The following PRR27 variants were observed in gnomAD, a reference collection of about 807,000 sequenced individuals.
The protein encoded by PRR27 is proline rich 27, also known as proline-rich protein 27.
In PRR27, 12 loss-of-function variants were observed where a neutral mutation model predicts 16.8. The observed-to-expected ratio is 0.71, with a 90% confidence interval of 0.46 to 1.16. The LOEUF (loss-of-function observed/expected upper bound fraction) is 1.16. Among genes scored for constraint, PRR27 ranks in the 50% most tolerant of loss-of-function variants. PRR27 has a pLI of 0.00. For synonymous variants in PRR27, 100 were observed against 98.4 expected, an observed-to-expected ratio of 1.02 and a Z score of -0.10; for missense variants, 277 against 273.3, an observed-to-expected ratio of 1.01 and a Z score of -0.10.
chr4:70,158,912 A>C lies in PRR27; in HGVS notation c.648+12A>C. On this transcript the variant is annotated intron_variant, in intron 3 of 4. Transcript: ENST00000344526. The stretch of plus-strand genomic sequence containing the variant: ...CCTCTCTTGAACAGGTAGGTTGTTT[A>C]TATCTTACCACTATAATGTATGAGA... 3 of 1,592,678 alleles carry C rather than the reference A, an allele frequency of 1.9e-6. No homozygotes were observed. Among genetic ancestry groups the C allele is most frequent in the Non-Finnish European group, 2.6e-6 (3 of 1,166,542 alleles).
At chr4:70,160,437 C>CTGTGTGTGTGTGTGTGTG (rs1413873981) in intron 3 of PRR27, among the ~76,000 whole-genome samples, 5 of 77,978 alleles carry the variant, frequency 6.4e-5, no homozygotes, top group Non-Finnish European at 1.0e-4. Context: ...CTCTCTCTCT[C>CTGTGTGTGTGTGTGTGTG]TCTCTCTGTG....
At chr4:70,160,170 T>A (rs1234728922) in intron 3 of PRR27, among the ~76,000 whole-genome samples, 1 of 152,030 alleles carries the variant, frequency 6.6e-6, no homozygotes, top group Non-Finnish European at 1.5e-5. Flanking sequence ...ACCCAAGAGG[T>A]AGTTTTATAA....
intron 1 of PRR27, chr4:70,154,719 A>T: frequency 7.3e-7 from 1 of 1,368,784 alleles, no homozygotes; most frequent in Non-Finnish European, 9.6e-7. Context: ...AGATTATCTT[A>T]ACAGAGTTTA....
At chr4:70,161,922 T>A (rs987231910) in intron 4 of PRR27, among the ~76,000 whole-genome samples, 3 of 152,204 alleles carry the variant, frequency 2.0e-5, no homozygotes, top group African/African-American at 7.2e-5. Flanking sequence ...TAAAAACCTT[T>A]AACGTGGGAA....
intron 3 of PRR27, among the ~76,000 whole-genome samples, chr4:70,159,534 G>C (rs1728588401): frequency 1.3e-5 from 2 of 152,118 alleles, no homozygotes; most frequent in South Asian, 4.1e-4. Flanking sequence ...AAAGCATTAA[G>C]TTTTTTAACA....
chr4:70,159,617 G>C (rs188247489), intron 3 of PRR27, among the ~76,000 whole-genome samples: 1 of 152,174 alleles, frequency 6.6e-6, no homozygotes, highest in Admixed American at 6.5e-5. Flanking sequence ...TGTATACATT[G>C]TACCCACATA....
chr4:70,154,488 C>G (rs1709273), intron 1 of PRR27, 62 bp downstream of exon 1: 1,246,013 of 1,279,078 alleles, frequency 0.97, 607,933 homozygotes, highest in East Asian at 1. Flanking sequence ...TGTTTATAGG[C>G]ATTTGTGCTT....
chr4:70,158,472 T>C lies in PRR27; in HGVS notation c.220T>C (p.Ser74Pro). 6.2e-7 allele frequency: 1 copy of C among 1,614,064 alleles called. No homozygotes were observed. ...GNTYTDTGLP[S>P]YPWILTSPGF... ...TACTTACACTGACACAGGGTTACCT[T>C]CGTATCCCTGGATTCTAACTTCTCC... Residue 74 changes from serine to proline, a missense_variant, in exon 3 of 5, where the codon TCG becomes CCG. Ser to Pro is a moderately conservative substitution (Grantham distance 74). Coordinates refer to ENST00000344526, the MANE Select transcript of PRR27 (RefSeq NM_214711.4).
chr4:70,161,615 C>T lies in PRR27; in HGVS notation c.*18C>T, dbSNP rs778726435. ...ATCAGTGAAATTCTCTAGAAGAGTA[C>T]CATGGGTTCATTTCTGTAAGTCATA... On this transcript the variant is annotated 3_prime_UTR_variant, in exon 4 of 5. Transcript: ENST00000344526. 5.4e-6 allele frequency: 8 copies of T among 1,484,988 alleles called. No homozygotes were observed. Among genetic ancestry groups the T allele is most frequent in the African/African-American group, 2.8e-5 (2 of 71,098 alleles). 92.0% of individuals were successfully genotyped at this position (1,484,988 alleles called of 1,614,324 possible).
At chr4:70,160,878 A>G (rs1728629689) in intron 3 of PRR27, among the ~76,000 whole-genome samples, 1 of 152,040 alleles carries the variant, frequency 6.6e-6, no homozygotes, top group Non-Finnish European at 1.5e-5. Flanking sequence ...GCAAGAGGCT[A>G]AAAACAAATG....
intron 3 of PRR27, among the ~76,000 whole-genome samples, chr4:70,160,451 G>C (rs1437954953): frequency 4.9e-5 from 6 of 121,238 alleles, no homozygotes; most frequent in Admixed American, 1.6e-4. Context: ...CTCTGTGTGT[G>C]TGTGTGTGTG....
At chr4:70,160,180 A>T (rs151256129) in intron 3 of PRR27, among the ~76,000 whole-genome samples, 113 of 152,084 alleles carry the variant, frequency 7.4e-4, no homozygotes, top group African/African-American at 2.6e-3. Context: ...TAGTTTTATA[A>T]CCCAGCCCTA....
Position 70,158,798 on chromosome 4 carries a change from A to C in PRR27, c.546A>C (p.Ala182=). ...APVAAEPAAE[A]PVGVEPAAEE... ...TTGCAGCTGAGCCTGCTGCAGAGGC[A>C]CCTGTTGGAGTGGAGCCAGCTGCAG... is the stretch of plus-strand genomic sequence containing the variant. The change falls in exon 3 of 5, where the codon GCA becomes GCC. Residue 182 remains alanine, a synonymous_variant. Transcript: ENST00000344526. The C allele has an allele frequency of 1.9e-6, 3 of 1,613,158 alleles. No individual in the cohort carries two copies. The highest frequency in any genetic ancestry group is 2.5e-6 in the Non-Finnish European group (3 of 1,179,444).
At position 70,165,384 on chromosome 4, in the gene PRR27, T is replaced by C. The variant is rs1202220128; in HGVS notation, c.*2723T>C. The C allele has an allele frequency of 6.6e-6, 1 of 152,130 alleles. No individual in the cohort carries two copies. Among genetic ancestry groups the C allele is most frequent in the Non-Finnish European group, 1.5e-5 (1 of 67,974 alleles). The allele number at this position is 152,130 out of a possible 1,614,324, so 9.4% of individuals were successfully genotyped here. On this transcript the variant is annotated 3_prime_UTR_variant, in exon 5 of 5. Transcript: ENST00000344526. ...GAAAACATACATGTAACCACCACCA[T>C]CTGGAAATTTCACACTAAATTATAA...
chr4:70,158,061 G>A (rs1214873541), intron 2 of PRR27, among the ~76,000 whole-genome samples: 3 of 152,032 alleles, frequency 2.0e-5, no homozygotes, highest in South Asian at 2.1e-4. Flanking sequence ...TCTTTGTCCT[G>A]GCCTAGGTTA....
Position 70,158,792 on chromosome 4 carries a change from A to G in PRR27, c.540A>G (p.Ala180=), listed in dbSNP as rs773656894. 69 of 1,613,074 alleles carry G rather than the reference A, an allele frequency of 4.3e-5. No individual in the cohort carries two copies. Among genetic ancestry groups the G allele is most frequent in the Non-Finnish European group, 5.7e-5 (67 of 1,179,336 alleles). Residue 180 remains alanine (A), a synonymous_variant, in exon 3 of 5, where the codon GCA becomes GCG. Transcript: ENST00000344526. Reference sequence around the variant, plus strand: ...CACCTGTTGCAGCTGAGCCTGCTGCAGAGGCACCTGTTGGAGTGGAGCCAG... The same window carrying G: ...CACCTGTTGCAGCTGAGCCTGCTGCGGAGGCACCTGTTGGAGTGGAGCCAG... ...AEAPVAAEPA[A]EAPVGVEPAA... is the part of the protein sequence containing the mutation.
At chr4:70,156,700 C>T (rs1184078695) in intron 2 of PRR27, among the ~76,000 whole-genome samples, 2 of 152,264 alleles carry the variant, frequency 1.3e-5, no homozygotes, top group Middle Eastern at 3.4e-3. Flanking sequence ...TACACTTACA[C>T]CTATCCACCA....
In PRR27 at chr4:70,158,460, A is replaced by C. The variant is rs1390115382; in HGVS notation, c.208A>C (p.Thr70Pro). 4 of 1,613,852 alleles carry C rather than the reference A, an allele frequency of 2.5e-6. No homozygotes were observed. The African/African-American group carries it at 5.3e-5, about 22-fold the overall frequency. ...PSYPGNTYTD[T>P]GLPSYPWILT... ...TTACCCTGGGAATACTTACACTGACACAGGGTTACCTTCGTATCCCTGGAT... is the reference window on the plus strand; with the variant it reads ...TTACCCTGGGAATACTTACACTGACCCAGGGTTACCTTCGTATCCCTGGAT... Residue 70 changes from threonine to proline, a missense_variant, in exon 3 of 5, where the codon ACA becomes CCA. By Grantham distance (38) the Thr-to-Pro change is conservative. Transcript: ENST00000344526.
At chr4:70,155,659 G>A (rs1191018590) in intron 1 of PRR27, among the ~76,000 whole-genome samples, 51 of 151,638 alleles carry the variant, frequency 3.4e-4, no homozygotes, top group Non-Finnish European at 2.9e-5. Flanking sequence ...GAGCCATTGC[G>A]CCCGTCGCAA....
Sources: gnomAD v4.1 joint callset for allele counts (sites outside exome capture counted in the v4.1 genomes callset) on GRCh38, gnomAD v4.1.1 for gene constraint, MANE v1.5 for transcripts, NCBI Gene and HGNC (gene_info 2026-07-23, HGNC 2026-07-21) for gene names.